Variants in FOXP2 observed in about 807,000 individuals in gnomAD.
FOXP2 encodes forkhead box protein P2.
A neutral mutation model predicts 115.8 loss-of-function variants in FOXP2; 12 were observed. The ratio of observed to expected loss-of-function variants is 0.10; its 90% CI spans 0.07 to 0.17. The LOEUF is 0.17. Ranked by LOEUF, FOXP2 falls within the 10% of genes least tolerant of loss-of-function variation. The pLI is 1.00. For synonymous variants in FOXP2, 328 were observed against 297.7 expected, an observed-to-expected ratio of 1.10 and a Z score of -1.05; for missense variants, 629 against 843.5, an observed-to-expected ratio of 0.75 and a Z score of 3.15.
At chr7:114,141,801 A>T (rs1223275948) in intron 1 of FOXP2, among the ~76,000 whole-genome samples, 2 of 152,202 alleles carry the variant, frequency 1.3e-5, no homozygotes, top group African/African-American at 4.8e-5. Flanking sequence ...CCTACTTAGG[A>T]TGCCATGGGC....
intron 3 of FOXP2, among the ~76,000 whole-genome samples, chr7:114,583,867 C>A (rs1026485189): frequency 6.6e-6 from 1 of 152,152 alleles, no homozygotes; most frequent in Non-Finnish European, 1.5e-5. Flanking sequence ...ACCAGCCATG[C>A]AAATTTGTTG....
chr7:114,176,446 C>G (rs1286920330), intron 1 of FOXP2, among the ~76,000 whole-genome samples: 2 of 151,700 alleles, frequency 1.3e-5, no homozygotes, highest in Non-Finnish European at 2.9e-5. Flanking sequence ...TCAGGCAATC[C>G]TCTCGCCTCA....
In FOXP2 at chr7:114,589,275, G is replaced by C. The variant is rs1280581561; in HGVS notation, c.259-39265G>C. On this transcript the variant is annotated intron_variant, in intron 3 of 16. Coordinates refer to ENST00000350908, the MANE Select transcript of FOXP2 (RefSeq NM_014491.4). ...AAATACCTAATGTTTTTTGGTTGTT[G>C]GTTCAATATATGGAGTAGCCTTATT... Among the ~76,000 whole-genome samples the C allele has an allele frequency of 2.6e-5, 4 of 151,500 alleles. No homozygotes were observed. The East Asian group carries it at 7.8e-4, about 29-fold the overall frequency.
chr7:114,388,600 C>T (rs985294400), intron 2 of FOXP2, among the ~76,000 whole-genome samples: 3 of 152,022 alleles, frequency 2.0e-5, no homozygotes, highest in Admixed American at 1.3e-4. Flanking sequence ...CTGATAGCCA[C>T]ATTTTAGAAT....
intron 8 of FOXP2, 119 bp from the exon 9 acceptor site, chr7:114,652,084 C>G: frequency 1.1e-6 from 1 of 876,936 alleles, no homozygotes; most frequent in Admixed American, 2.0e-5. Context: ...GGTTTCAAGG[C>G]TTTCTGTTTT....
chr7:114,437,967 G>T (rs1255328321), intron 2 of FOXP2, among the ~76,000 whole-genome samples: 1 of 152,086 alleles, frequency 6.6e-6, no homozygotes, highest in Non-Finnish European at 1.5e-5. Flanking sequence ...ACAAAAGGGA[G>T]AATGTAAAAT....
chr7:114,167,041 A>C (rs1349012813), intron 1 of FOXP2, among the ~76,000 whole-genome samples: 1 of 152,238 alleles, frequency 6.6e-6, no homozygotes, highest in Admixed American at 6.5e-5. Flanking sequence ...ACATAGTCTT[A>C]CTATGTGATC....
At chr7:114,432,866 A>G (rs1224877453) in intron 2 of FOXP2, among the ~76,000 whole-genome samples, 1 of 152,012 alleles carries the variant, frequency 6.6e-6, no homozygotes. Flanking sequence ...TTCCCTAGAC[A>G]AAACAGATGG....
At chr7:114,442,626 A>G (rs1348203003) in intron 2 of FOXP2, among the ~76,000 whole-genome samples, 1 of 151,862 alleles carries the variant, frequency 6.6e-6, no homozygotes, top group African/African-American at 2.4e-5. Flanking sequence ...CCTGGCTATC[A>G]TATTTTTAGT....
chr7:114,476,057 A>G (rs1264415947), intron 2 of FOXP2, among the ~76,000 whole-genome samples: 3 of 150,648 alleles, frequency 2.0e-5, no homozygotes, highest in African/African-American at 4.9e-5. Context: ...CTGTCATTCT[A>G]TAGGTGTCTG....
Position 114,691,242 on chromosome 7 carries a change from TA to T in FOXP2, c.*1317del, listed in dbSNP as rs1327534187. The T allele has an allele frequency of 3.5e-5, 16 of 453,602 alleles. No individual in the cohort carries two copies. The Admixed American group carries it at 3.8e-4, about 11-fold the overall frequency. 28.1% of individuals were successfully genotyped at this position (453,602 alleles called of 1,614,324 possible). A position where few individuals can be genotyped will look rare whatever the true frequency, so the allele number is the denominator to read the frequency against. On this transcript the variant is annotated 3_prime_UTR_variant, in exon 17 of 17. Coordinates refer to ENST00000350908, the MANE Select transcript of FOXP2 (RefSeq NM_014491.4). Reference sequence around the variant, plus strand: ...TATGGTCTTAATCTTTGTTGTGTACTATTTTTTTATAGTCTTAAGTTATAAT... The same window carrying T: ...TATGGTCTTAATCTTTGTTGTGTACTTTTTTTTATAGTCTTAAGTTATAAT...
At chr7:114,164,158 T>A (rs966947739) in intron 1 of FOXP2, among the ~76,000 whole-genome samples, 1 of 152,156 alleles carries the variant, frequency 6.6e-6, no homozygotes, top group Non-Finnish European at 1.5e-5. Context: ...TGGTGCATTC[T>A]GATAGAGCCA....
At chr7:114,467,485 C>G (rs1437569006) in intron 2 of FOXP2, among the ~76,000 whole-genome samples, 4 of 152,094 alleles carry the variant, frequency 2.6e-5, no homozygotes, top group Non-Finnish European at 5.9e-5. Context: ...CTTAATCAAA[C>G]CTGAATGAGC....
At chr7:114,438,588 ATG>A (rs1794456023) in intron 2 of FOXP2, among the ~76,000 whole-genome samples, 1 of 152,108 alleles carries the variant, frequency 6.6e-6, no homozygotes, top group African/African-American at 2.4e-5. Flanking sequence ...AAGTGAATAT[ATG>A]TGTTTCGTTA....
intron 2 of FOXP2, among the ~76,000 whole-genome samples, chr7:114,473,694 A>G (rs1796142402): frequency 6.6e-6 from 1 of 152,070 alleles, no homozygotes; most frequent in Non-Finnish European, 1.5e-5. Context: ...GAACCATACC[A>G]TGGTAGCATC....
intron 2 of FOXP2, among the ~76,000 whole-genome samples, chr7:114,324,238 A>G (rs1797500556): frequency 6.6e-6 from 1 of 151,808 alleles, no homozygotes; most frequent in South Asian, 2.1e-4. Context: ...ACCATATCCC[A>G]GTCTCTTTTT....
At chr7:114,171,186 A>C (rs940622619) in intron 1 of FOXP2, among the ~76,000 whole-genome samples, 1 of 152,198 alleles carries the variant, frequency 6.6e-6, no homozygotes, top group Non-Finnish European at 1.5e-5. Context: ...ATGACAGCAC[A>C]TATGTTTCAG....
intron 11 of FOXP2, among the ~76,000 whole-genome samples, chr7:114,658,722 G>A (rs1202748243): frequency 1.3e-5 from 2 of 152,176 alleles, no homozygotes; most frequent in South Asian, 2.1e-4. Flanking sequence ...TCCTAATGCC[G>A]ATATGGCACT....
intron 1 of FOXP2, among the ~76,000 whole-genome samples, chr7:114,222,523 T>C (rs777829597): frequency 3.3e-5 from 5 of 152,188 alleles, no homozygotes; most frequent in Non-Finnish European, 7.3e-5. Context: ...TTATTGGGCA[T>C]TTACTACGTG....
Sources: allele counts gnomAD v4.1 joint callset (sites outside exome capture counted in the v4.1 genomes callset), GRCh38; gene constraint gnomAD v4.1.1; transcripts MANE v1.5; gene names NCBI Gene and HGNC (gene_info 2026-07-23, HGNC 2026-07-21).